SIPA1L3: variants seen among roughly 807,000 people sequenced by gnomAD.
The protein encoded by SIPA1L3 is signal-induced proliferation-associated 1-like protein 3.
Under a neutral mutation model 150.1 loss-of-function variants are expected in SIPA1L3, and 59 were observed. The observed-to-expected ratio is 0.39, with a 90% CI of 0.32 to 0.49. SIPA1L3 has a LOEUF of 0.49. Ranked by LOEUF, SIPA1L3 falls within the 20% of genes least tolerant of loss-of-function variation. The probability of loss-of-function intolerance (pLI) is 0.86; values close to 1 mark genes in which losing one functional copy is unlikely to be tolerated. For missense variants in SIPA1L3, 2,211 were observed against 2,489.5 expected, an observed-to-expected ratio of 0.89 and a Z score of 2.38; for synonymous variants, 1,070 against 1,077.6, an observed-to-expected ratio of 0.99 and a Z score of 0.14.
intron 6 of SIPA1L3, among the ~76,000 whole-genome samples, chr19:38,104,972 G>A (rs12984691): frequency 6.6e-5 from 10 of 152,106 alleles, no homozygotes; most frequent in Non-Finnish European, 1.3e-4. Flanking sequence ...CAGATACCTG[G>A]GTGTTACCCG....
intron 1 of SIPA1L3, among the ~76,000 whole-genome samples, chr19:37,971,445 T>TAAAAGG (rs1966933145): frequency 6.6e-6 from 1 of 152,162 alleles, no homozygotes; most frequent in Non-Finnish European, 1.5e-5. Context: ...CTTCAGCCCC[T>TAAAAGG]GGCACCACTA....
chr19:38,160,594 G>A (rs142334850), intron 13 of SIPA1L3, among the ~76,000 whole-genome samples: 3,311 of 151,418 alleles, frequency 0.022, 114 homozygotes, highest in African/African-American at 0.074. Flanking sequence ...TAGTAGAGAC[G>A]GGGTTTCACC....
chr19:38,065,953 G>A (rs1326192677), intron 2 of SIPA1L3, among the ~76,000 whole-genome samples: 3 of 53,644 alleles, frequency 5.6e-5, no homozygotes, highest in East Asian at 5.6e-4. Flanking sequence ...TTATTTTTGA[G>A]GCAACGTCTT....
intron 1 of SIPA1L3, among the ~76,000 whole-genome samples, chr19:37,969,863 G>A (rs985318838): frequency 6.6e-6 from 1 of 152,048 alleles, no homozygotes; most frequent in Non-Finnish European, 1.5e-5. Flanking sequence ...TGTTATTCCT[G>A]CTTGGCAAAG....
At chr19:37,944,098 G>A (rs753322688) in intron 1 of SIPA1L3, among the ~76,000 whole-genome samples, 41 of 152,012 alleles carry the variant, frequency 2.7e-4, no homozygotes, top group Non-Finnish European at 4.4e-4. Flanking sequence ...CCAACATGGC[G>A]AAACCGCATC....
chr19:38,106,364 C>T (rs1417798905), intron 6 of SIPA1L3, 173 bp from the exon 7 acceptor site: 3 of 568,484 alleles, frequency 5.3e-6, no homozygotes, highest in Non-Finnish European at 9.6e-6. Flanking sequence ...GCCTCAGCCT[C>T]CCAAAGTGCT....
intron 2 of SIPA1L3, among the ~76,000 whole-genome samples, chr19:38,058,436 G>A (rs1196826710): frequency 6.6e-6 from 1 of 152,126 alleles, no homozygotes; most frequent in African/African-American, 2.4e-5. Flanking sequence ...TCTCAGGTGG[G>A]TAGAGGCGCC....
chr19:38,018,439 A>C (rs1014555305), intron 1 of SIPA1L3, among the ~76,000 whole-genome samples: 2 of 152,126 alleles, frequency 1.3e-5, no homozygotes, highest in Non-Finnish European at 2.9e-5. Flanking sequence ...GGCGTGAGCC[A>C]CCACACCCAG....
At chr19:38,147,405 T>TA (rs1340556303) in intron 12 of SIPA1L3, among the ~76,000 whole-genome samples, 1 of 152,170 alleles carries the variant, frequency 6.6e-6, no homozygotes, top group Non-Finnish European at 1.5e-5. Flanking sequence ...ATCTTTTTTT[T>TA]ATTATTATTT....
At chr19:37,937,310 CT>C (rs1346741151) in intron 1 of SIPA1L3, among the ~76,000 whole-genome samples, 1 of 152,166 alleles carries the variant, frequency 6.6e-6, no homozygotes, top group Non-Finnish European at 1.5e-5. Flanking sequence ...TGCCCAAGAA[CT>C]TGAATATTAC....
At chr19:37,960,052 G>A (rs73034916) in intron 1 of SIPA1L3, among the ~76,000 whole-genome samples, 414 of 151,916 alleles carry the variant, frequency 2.7e-3, no homozygotes, top group Non-Finnish European at 4.8e-3. Context: ...CAGTCGAGAA[G>A]AAAAGAAAAA....
chr19:38,025,531 G>T (rs908110002), intron 1 of SIPA1L3, among the ~76,000 whole-genome samples: 7 of 152,174 alleles, frequency 4.6e-5, no homozygotes, highest in African/African-American at 7.2e-5. Flanking sequence ...CCCTCTAGTC[G>T]GCAGGAAGTA....
intron 9 of SIPA1L3, among the ~76,000 whole-genome samples, chr19:38,126,552 T>C (rs1437503812): frequency 6.6e-6 from 1 of 152,066 alleles, no homozygotes; most frequent in African/African-American, 2.4e-5. Context: ...TTTTTTTTTT[T>C]CTTTAAGACA....
chr19:37,989,303 T>C (rs771841213), intron 1 of SIPA1L3, among the ~76,000 whole-genome samples: 7 of 152,090 alleles, frequency 4.6e-5, no homozygotes, highest in Non-Finnish European at 1.0e-4. Flanking sequence ...CACTGCAACA[T>C]CCATTTGCTG....
At chr19:38,162,392 G>T (rs763547323) in intron 14 of SIPA1L3, 21 bp downstream of exon 14, 2 of 1,590,176 alleles carry the variant, frequency 1.3e-6, no homozygotes, top group African/African-American at 2.7e-5. Flanking sequence ...GCCCCACCCT[G>T]CCCTACCGGG....
rs189207408 is a variant in SIPA1L3 at position 37,944,599 on chromosome 19, G to A, written c.-379+37241G>A. On this transcript the variant is annotated intron_variant, in intron 1 of 21. Transcript: ENST00000222345. Reference sequence around the variant, plus strand: ...TATGTAAAAGAATAGTGCCTAGCATGTTTGTTAAGTACAGGTGATCCTTGA... The same window carrying A: ...TATGTAAAAGAATAGTGCCTAGCATATTTGTTAAGTACAGGTGATCCTTGA... Among the ~76,000 whole-genome samples, 207 of 152,296 alleles carry A rather than the reference G, an allele frequency of 1.4e-3. 1 individual carries two copies. Among genetic ancestry groups the A allele is most frequent in the African/African-American group, 4.9e-3 (203 of 41,550 alleles).
chr19:37,975,464 C>A (rs1967052520), intron 1 of SIPA1L3, among the ~76,000 whole-genome samples: 1 of 152,134 alleles, frequency 6.6e-6, no homozygotes, highest in African/African-American at 2.4e-5. Context: ...AGGCTCCCCA[C>A]CCACCAGCAC....
chr19:38,005,404 T>G (rs1967917283), intron 1 of SIPA1L3, among the ~76,000 whole-genome samples: 2 of 151,124 alleles, frequency 1.3e-5, no homozygotes. Context: ...CTGCTGGGCC[T>G]GCCTTCCTTG....
intron 1 of SIPA1L3, among the ~76,000 whole-genome samples, chr19:37,993,140 C>G (rs148466078): frequency 8.2e-4 from 125 of 152,238 alleles, no homozygotes; most frequent in African/African-American, 2.7e-3. Flanking sequence ...CTGGCTGTGT[C>G]AGGTCTGAGT....
Sources: allele counts gnomAD v4.1 joint callset (sites outside exome capture counted in the v4.1 genomes callset), GRCh38; gene constraint gnomAD v4.1.1; transcripts MANE v1.5; gene names NCBI Gene and HGNC (gene_info 2026-07-23, HGNC 2026-07-21).